KCNQ5: variants seen among roughly 807,000 people sequenced by gnomAD.
The protein encoded by KCNQ5 is potassium voltage-gated channel subfamily KQT member 5.
KCNQ5 carries 30 observed loss-of-function variants against 98.2 expected under a neutral mutation model. The ratio of observed to expected loss-of-function variants is 0.31; its 90% confidence interval spans 0.23 to 0.41. KCNQ5 has a LOEUF of 0.41. Among genes scored for constraint, KCNQ5 ranks in the 10% least tolerant of loss-of-function variants. The pLI is 1.00. For synonymous variants in KCNQ5, 458 were observed against 449.4 expected (o/e 1.02, Z -0.24); for missense variants, 835 against 1,182.5 (o/e 0.71, Z 4.31).
At chr6:72,886,026 G>T (rs867831086) in intron 1 of KCNQ5, among the ~76,000 whole-genome samples, 1 of 152,080 alleles carries the variant, frequency 6.6e-6, no homozygotes, top group African/African-American at 2.4e-5. Context: ...AATCATATCT[G>T]GGAGAATAAC....
chr6:72,911,306 G>A (rs1779933102), intron 1 of KCNQ5, among the ~76,000 whole-genome samples: 1 of 152,098 alleles, frequency 6.6e-6, no homozygotes, highest in African/African-American at 2.4e-5. Flanking sequence ...CCTGATGAAT[G>A]TTATTAATGT....
chr6:73,177,291 A>G (rs1014592808), intron 11 of KCNQ5, among the ~76,000 whole-genome samples: 1 of 152,256 alleles, frequency 6.6e-6, no homozygotes, highest in Non-Finnish European at 1.5e-5. Context: ...ATGAACATAG[A>G]TGAAGTGTCA....
chr6:72,698,263 C>T (rs577991056), intron 1 of KCNQ5, among the ~76,000 whole-genome samples: 3 of 151,902 alleles, frequency 2.0e-5, no homozygotes, highest in Non-Finnish European at 4.4e-5. Context: ...AGTGCAATGG[C>T]GTGATCTTGG....
intron 2 of KCNQ5, among the ~76,000 whole-genome samples, chr6:73,030,159 A>G (rs1179378541): frequency 2.0e-5 from 3 of 152,164 alleles, no homozygotes; most frequent in Non-Finnish European, 2.9e-5. Context: ...AATTTTCCTT[A>G]ATTTTGAAAG....
At chr6:73,059,036 C>T (rs1772657472) in intron 3 of KCNQ5, among the ~76,000 whole-genome samples, 1 of 152,166 alleles carries the variant, frequency 6.6e-6, no homozygotes, top group Admixed American at 6.5e-5. Flanking sequence ...ATGGAATTAC[C>T]ATTTGACCCA....
At chr6:72,648,559 A>T (rs1233845933) in intron 1 of KCNQ5, among the ~76,000 whole-genome samples, 1 of 152,098 alleles carries the variant, frequency 6.6e-6, no homozygotes, top group Admixed American at 6.6e-5. Flanking sequence ...CTTTTATATT[A>T]CTTAGACCAG....
chr6:72,641,594 T>TTGTG (rs201864534), intron 1 of KCNQ5, among the ~76,000 whole-genome samples: 1 of 151,494 alleles, frequency 6.6e-6, no homozygotes, highest in South Asian at 2.1e-4. Context: ...GCACACTATT[T>TTGTG]TGTGTGTGTG....
intron 1 of KCNQ5, among the ~76,000 whole-genome samples, chr6:72,749,627 G>A (rs1228737437): frequency 6.6e-6 from 1 of 152,052 alleles, no homozygotes; most frequent in African/African-American, 2.4e-5. Flanking sequence ...AAAAGGGACA[G>A]GGAAATAGTC....
chr6:72,920,110 T>G (rs1413168064), intron 1 of KCNQ5, among the ~76,000 whole-genome samples: 1 of 152,122 alleles, frequency 6.6e-6, no homozygotes, highest in Non-Finnish European at 1.5e-5. Context: ...GAGACCAGCC[T>G]GGCCAGCATG....
chr6:72,758,035 G>A (rs1279065475), intron 1 of KCNQ5, among the ~76,000 whole-genome samples: 1 of 151,962 alleles, frequency 6.6e-6, no homozygotes, highest in Non-Finnish European at 1.5e-5. Context: ...CAGAGCCTCA[G>A]TCTAAGTGCT....
intron 2 of KCNQ5, among the ~76,000 whole-genome samples, chr6:73,014,376 A>G (rs776627606): frequency 6.6e-6 from 1 of 152,050 alleles, no homozygotes; most frequent in Non-Finnish European, 1.5e-5. Context: ...CCCACCCATA[A>G]GCAGTAAAAG....
chr6:73,052,271 C>G (rs917988885), intron 3 of KCNQ5, among the ~76,000 whole-genome samples: 2 of 152,132 alleles, frequency 1.3e-5, no homozygotes, highest in African/African-American at 4.8e-5. Flanking sequence ...TCACTGATGT[C>G]CCTGAAAGAG....
intron 3 of KCNQ5, among the ~76,000 whole-genome samples, chr6:73,070,794 C>T (rs758298933): frequency 1.3e-4 from 20 of 152,058 alleles, no homozygotes; most frequent in Non-Finnish European, 2.5e-4. Flanking sequence ...CAAGGGGTCC[C>T]GGGAAATGAG....
intron 1 of KCNQ5, among the ~76,000 whole-genome samples, chr6:72,691,952 A>G (rs1220049186): frequency 2.0e-5 from 3 of 152,346 alleles, no homozygotes; most frequent in African/African-American, 7.2e-5. Flanking sequence ...AGGGTCAGTT[A>G]TCTCTAACTC....
At chr6:73,018,343 G>T (rs1329613317) in intron 2 of KCNQ5, among the ~76,000 whole-genome samples, 1 of 152,100 alleles carries the variant, frequency 6.6e-6, no homozygotes, top group Non-Finnish European at 1.5e-5. Flanking sequence ...ATACAACTGG[G>T]TGAGGCAAGT....
rs1765704048 is a variant in KCNQ5, at chr6:73,194,356, G to T, written c.1837-96G>T. 3.7e-6 allele frequency: 4 copies of T among 1,075,474 alleles called. No homozygotes were observed. The East Asian group carries it at 9.8e-5, about 26-fold the overall frequency. 66.6% of individuals were successfully genotyped at this position (1,075,474 alleles called of 1,614,324 possible). A position where few individuals can be genotyped will look rare whatever the true frequency, so the allele number is the denominator to read the frequency against. On this transcript the variant is annotated intron_variant, in intron 13 of 13. Coordinates refer to ENST00000370398, the MANE Select transcript of KCNQ5 (RefSeq NM_019842.4). ...TTATATTCAATATTTCTTTAAATGTGTTGGCACACCTTGACTTCATTTTTC... is the reference window on the plus strand; with the variant it reads ...TTATATTCAATATTTCTTTAAATGTTTTGGCACACCTTGACTTCATTTTTC...
At chr6:72,790,908 G>GTTGTT (rs571164191) in intron 1 of KCNQ5, among the ~76,000 whole-genome samples, 16 of 152,196 alleles carry the variant, frequency 1.1e-4, no homozygotes, top group East Asian at 9.6e-4. Flanking sequence ...TTGTTTGTTT[G>GTTGTT]TTGTTTTGTT....
At position 72,813,141 on chromosome 6, in the gene KCNQ5, T is replaced by A. The variant is rs548633410; in HGVS notation, c.398+190554T>A. On this transcript the variant is annotated intron_variant, in intron 1 of 13. Transcript: ENST00000370398. Reference sequence around the variant, plus strand: ...ACTATGATGTTTAATCTATTGGATTTTGTGTTCATTGTATCTGTTTTTATC... The same window carrying A: ...ACTATGATGTTTAATCTATTGGATTATGTGTTCATTGTATCTGTTTTTATC... Among the ~76,000 whole-genome samples the A allele has an allele frequency of 2.6e-5, 4 of 152,282 alleles. No homozygotes were observed. In the East Asian group the frequency reaches 7.7e-4, roughly 29 times the overall value.
chr6:73,155,872 A>G (rs916645070), intron 10 of KCNQ5, among the ~76,000 whole-genome samples: 2 of 152,226 alleles, frequency 1.3e-5, no homozygotes, highest in African/African-American at 4.8e-5. Flanking sequence ...CATCTAGAGT[A>G]AAAAATACAT....
Sources: allele counts gnomAD v4.1 joint callset (sites outside exome capture counted in the v4.1 genomes callset), GRCh38; gene constraint gnomAD v4.1.1; transcripts MANE v1.5; gene names NCBI Gene and HGNC (gene_info 2026-07-23, HGNC 2026-07-21).